Variants in SIPA1L3 observed in about 807,000 individuals in gnomAD.
SIPA1L3 encodes signal-induced proliferation-associated 1-like protein 3.
Under a neutral mutation model 150.1 loss-of-function variants are expected in SIPA1L3, and 59 were observed. That is an observed-to-expected ratio of 0.39 (90% confidence interval 0.32 to 0.49). The LOEUF is 0.49. SIPA1L3 is among the 20% of genes least tolerant of loss of function. The pLI, the probability that SIPA1L3 is intolerant of heterozygous loss-of-function variation, is 0.86. For missense variants in SIPA1L3, 2,211 were observed against 2,489.5 expected, an observed-to-expected ratio of 0.89 and a Z score of 2.38; for synonymous variants, 1,070 against 1,077.6, an observed-to-expected ratio of 0.99 and a Z score of 0.14.
chr19:38,002,095 G>C (rs939751512), intron 1 of SIPA1L3, among the ~76,000 whole-genome samples: 1 of 152,196 alleles, frequency 6.6e-6, no homozygotes, highest in African/African-American at 2.4e-5. Context: ...GTGCAGTTCA[G>C]TGGCATTCAG....
At chr19:38,125,098 C>T (rs946897356) in intron 9 of SIPA1L3, among the ~76,000 whole-genome samples, 10 of 151,710 alleles carry the variant, frequency 6.6e-5, no homozygotes, top group Non-Finnish European at 1.3e-4. Flanking sequence ...TGCAGCAGAG[C>T]GATCTCGGCT....
In SIPA1L3 at chr19:38,060,267, C is replaced by T. The variant is rs181552231; in HGVS notation, c.-310-20989C>T. 2.0e-3 allele frequency among the ~76,000 whole-genome samples: 297 copies of T among 152,242 alleles called. 1 individual carries two copies. The highest frequency in any genetic ancestry group is 6.8e-3 in the Middle Eastern group (2 of 294). ...TGGCTTTTTCACTTAGTATCATGTC[C>T]GAGAGGTGCATTCTAGTTTGGAGTT... On this transcript the variant is annotated intron_variant, in intron 2 of 21. Coordinates refer to ENST00000222345, the MANE Select transcript of SIPA1L3 (RefSeq NM_015073.3).
chr19:38,183,755 GAT>G (rs1215106610), intron 16 of SIPA1L3, among the ~76,000 whole-genome samples: 9 of 152,080 alleles, frequency 5.9e-5, no homozygotes, highest in African/African-American at 2.2e-4. Flanking sequence ...GAAACCCCTT[GAT>G]GTTGAGCCAA....
At chr19:38,056,482 C>G (rs1969318513) in intron 2 of SIPA1L3, among the ~76,000 whole-genome samples, 2 of 152,220 alleles carry the variant, frequency 1.3e-5, no homozygotes, top group Non-Finnish European at 2.9e-5. Flanking sequence ...TGCCATCTTC[C>G]TTGGCCACCC....
intron 1 of SIPA1L3, among the ~76,000 whole-genome samples, chr19:38,007,463 A>G (rs1360068956): frequency 2.8e-5 from 4 of 144,184 alleles, no homozygotes; most frequent in South Asian, 2.3e-4. Context: ...AAAAAAAAAA[A>G]AAAGAAAGAA....
intron 7 of SIPA1L3, chr19:38,108,639 C>T (rs1368365123): frequency 6.6e-6 from 1 of 152,252 alleles, no homozygotes; most frequent in Non-Finnish European, 1.5e-5. Context: ...GTCCATGGAT[C>T]TCCTGCATTG....
intron 1 of SIPA1L3, among the ~76,000 whole-genome samples, chr19:37,962,253 C>T (rs561393679): frequency 6.6e-6 from 1 of 151,226 alleles, no homozygotes; most frequent in South Asian, 2.1e-4. Context: ...AAGCAATTCT[C>T]CTGCCTCAGC....
chr19:37,912,245 A>T (rs1241945905), intron 1 of SIPA1L3, among the ~76,000 whole-genome samples: 2 of 151,680 alleles, frequency 1.3e-5, no homozygotes, highest in Non-Finnish European at 2.9e-5. Context: ...CTCAAAAAAA[A>T]AAAAGTATAA....
At chr19:38,084,439 C>A (rs138171893) in intron 3 of SIPA1L3, among the ~76,000 whole-genome samples, 4 of 151,480 alleles carry the variant, frequency 2.6e-5, no homozygotes, top group African/African-American at 9.7e-5. Context: ...CTCAGAAGCC[C>A]GGTCCAACTA....
intron 2 of SIPA1L3, among the ~76,000 whole-genome samples, chr19:38,040,308 T>C (rs1232701734): frequency 2.0e-5 from 3 of 152,252 alleles, no homozygotes; most frequent in African/African-American, 7.2e-5. Context: ...AATTTGTGTA[T>C]GTTGTCACTG....
In SIPA1L3 at chr19:38,144,222, A is replaced by G. The variant is rs184216770; in HGVS notation, c.3533+1512A>G. 1.7e-3 allele frequency among the ~76,000 whole-genome samples: 264 copies of G among 152,338 alleles called. 1 individual carries two copies. Among genetic ancestry groups the G allele is most frequent in the Non-Finnish European group, 2.6e-3 (178 of 68,032 alleles). On this transcript the variant is annotated intron_variant, in intron 12 of 21. Transcript: ENST00000222345. Reference sequence around the variant, plus strand: ...CACTCTTCATCCTTATTAGCCAGCTAAGAGTGTGTGTGCTTGCGCACGTGC... The same window carrying G: ...CACTCTTCATCCTTATTAGCCAGCTGAGAGTGTGTGTGCTTGCGCACGTGC...
intron 18 of SIPA1L3, among the ~76,000 whole-genome samples, chr19:38,196,623 G>A (rs1037633038): frequency 6.3e-4 from 95 of 149,918 alleles, no homozygotes; most frequent in Non-Finnish European, 1.5e-5. Flanking sequence ...GCAGAGCATG[G>A]AGGTCAAGGG....
At chr19:38,188,431 T>C (rs1972735011) in intron 16 of SIPA1L3, among the ~76,000 whole-genome samples, 3 of 151,404 alleles carry the variant, frequency 2.0e-5, no homozygotes, top group Non-Finnish European at 2.9e-5. Flanking sequence ...GTGTTCCACC[T>C]GCCTTGGCCT....
rs575760810 is a variant in SIPA1L3 at position 38,195,662 on chromosome 19, G to T, written c.4840+1882G>T. Among the ~76,000 whole-genome samples the T allele has an allele frequency of 9.2e-5, 14 of 152,226 alleles. No individual in the cohort carries two copies. The South Asian group carries it at 2.9e-3, about 32-fold the overall frequency. ...GGTGGTGACAGAGAACACAGGCATA[G>T]ACTCCACAGGCCGATCCGAATTCCT... On this transcript the variant is annotated intron_variant, in intron 18 of 21. Transcript: ENST00000222345.
chr19:38,008,440 G>A (rs146796108), intron 1 of SIPA1L3, among the ~76,000 whole-genome samples: 1,696 of 151,834 alleles, frequency 0.011, 31 homozygotes, highest in African/African-American at 0.04. Context: ...TATTGGTCAG[G>A]CTGGTCTTGA....
At chr19:38,150,392 G>C (rs189758754) in intron 12 of SIPA1L3, among the ~76,000 whole-genome samples, 1 of 152,064 alleles carries the variant, frequency 6.6e-6, no homozygotes, top group Non-Finnish European at 1.5e-5. Context: ...AGCTGGCAGG[G>C]TGACCCTGGA....
intron 1 of SIPA1L3, among the ~76,000 whole-genome samples, chr19:38,024,796 C>T (rs1568507412): frequency 2.6e-5 from 4 of 152,126 alleles, no homozygotes; most frequent in Non-Finnish European, 4.4e-5. Context: ...TGAAGGAGTG[C>T]TGTATTGATT....
intron 1 of SIPA1L3, among the ~76,000 whole-genome samples, chr19:38,005,180 A>C (rs1967910469): frequency 6.6e-6 from 1 of 151,812 alleles, no homozygotes; most frequent in Non-Finnish European, 1.5e-5. Context: ...ACATCTTCAT[A>C]GGACCTCTAA....
intron 1 of SIPA1L3, among the ~76,000 whole-genome samples, chr19:37,993,385 G>A (rs1382552392): frequency 1.3e-5 from 2 of 152,158 alleles, no homozygotes; most frequent in Non-Finnish European, 2.9e-5. Context: ...AGGCTGGAGT[G>A]CGGTGGCGCG....
Sources: gnomAD v4.1 joint callset for allele counts (sites outside exome capture counted in the v4.1 genomes callset) on GRCh38, gnomAD v4.1.1 for gene constraint, MANE v1.5 for transcripts, NCBI Gene and HGNC (gene_info 2026-07-23, HGNC 2026-07-21) for gene names.